IL1F10: variants seen among roughly 807,000 people sequenced by gnomAD.
IL1F10 encodes interleukin-1 family member 10.
IL1F10 carries 13 observed loss-of-function variants against 13.1 expected under a neutral mutation model. The observed-to-expected ratio is 0.99, with a 90% CI of 0.64 to 1.57. IL1F10 has a LOEUF of 1.57. Ranked by LOEUF, IL1F10 falls within the 40% of genes most tolerant of loss-of-function variation. The probability of loss-of-function intolerance (pLI) is 0.00; values close to 1 mark genes in which losing one functional copy is unlikely to be tolerated. For missense variants in IL1F10, 191 were observed against 184.1 expected (o/e 1.04, Z -0.22); for synonymous variants, 78 against 68.2 (o/e 1.14, Z -0.71).
At position 113,069,245 on chromosome 2, in the gene IL1F10, C is replaced by A. The variant is rs537955502; in HGVS notation, c.-29+1229C>A. On this transcript the variant is annotated intron_variant, in intron 1 of 4. Transcript: ENST00000341010. Reference sequence around the variant, plus strand: ...ATGCTATCACACAAGAAAATCAGTGCCAGACGGTGACAAAACAGTCAGTCA... The same window carrying A: ...ATGCTATCACACAAGAAAATCAGTGACAGACGGTGACAAAACAGTCAGTCA... Among the ~76,000 whole-genome samples, 4 of 152,078 alleles carry A rather than the reference C, an allele frequency of 2.6e-5. No individual in the cohort carries two copies. In the South Asian group the frequency reaches 8.3e-4, roughly 32 times the overall value.
At position 113,075,289 on chromosome 2, in the gene IL1F10, C is replaced by T; in HGVS notation, c.384C>T (p.Pro128=). The T allele has an allele frequency of 6.2e-7, 1 of 1,612,076 alleles. No individual in the cohort carries two copies. The highest frequency in any genetic ancestry group is 1.1e-5 in the South Asian group (1 of 90,934). ...GGTTCCTGTGTGGCCCGGCAGAGCCCCAGCAGCCAGTACAGCTCACCAAGG... is the reference window on the plus strand; with the variant it reads ...GGTTCCTGTGTGGCCCGGCAGAGCCTCAGCAGCCAGTACAGCTCACCAAGG... ...PGWFLCGPAE[P]QQPVQLTKES... The change falls in exon 5 of 5, where the codon CCC becomes CCT. Residue 128 remains proline, a synonymous_variant. Coordinates refer to ENST00000341010, the MANE Select transcript of IL1F10 (RefSeq NM_173161.3).
At position 113,075,290 on chromosome 2, in the gene IL1F10, C is replaced by T. The variant is rs1685919958; in HGVS notation, c.385C>T (p.Gln129Ter). 6.2e-7 allele frequency: 1 copy of T among 1,611,942 alleles called. No individual in the cohort carries two copies. Among genetic ancestry groups the T allele is most frequent in the South Asian group, 1.1e-5 (1 of 90,944 alleles). The change falls in exon 5 of 5, where the codon CAG becomes TAG. Residue 129 changes from glutamine (Q) to a stop codon, truncating the protein, a stop_gained. Coordinates refer to ENST00000341010, the MANE Select transcript of IL1F10 (RefSeq NM_173161.3). LOFTEE classifies it high-confidence loss of function. The stretch of plus-strand genomic sequence containing the variant: ...GTTCCTGTGTGGCCCGGCAGAGCCC[C>T]AGCAGCCAGTACAGCTCACCAAGGA... The part of the protein sequence containing the change: ...GWFLCGPAEP[Q>*]QPVQLTKESE...
At chr2:113,072,688 T>A (rs1428605059) in intron 1 of IL1F10, 23 bp from the exon 2 acceptor site, 1 of 1,560,572 alleles carries the variant, frequency 6.4e-7, no homozygotes, top group Non-Finnish European at 8.8e-7. Context: ...CTTTTCTAAC[T>A]GCCCTTCTCT....
intron 1 of IL1F10, among the ~76,000 whole-genome samples, chr2:113,069,834 G>A (rs536989125): frequency 6.6e-6 from 1 of 152,362 alleles, no homozygotes; most frequent in East Asian, 1.9e-4. Context: ...AGAAAGAGGT[G>A]TGAAGGGAGT....
At position 113,074,784 on chromosome 2, in the gene IL1F10, G is replaced by T; in HGVS notation, c.180G>T (p.Gly60=). The T allele has an allele frequency of 6.2e-7, 1 of 1,613,902 alleles. No homozygotes were observed. The highest frequency in any genetic ancestry group is 8.5e-7 in the Non-Finnish European group (1 of 1,179,966). Reference sequence around the variant, plus strand: ...GCACCAAGGTCCCCATTTTCCTGGGGATCCAGGGAGGGAGCCGCTGCCTGG... The same window carrying T: ...GCACCAAGGTCCCCATTTTCCTGGGTATCCAGGGAGGGAGCCGCTGCCTGG... ...LARTKVPIFL[G]IQGGSRCLAC... Residue 60 remains glycine (G), a synonymous_variant, in exon 4 of 5, where the codon GGG becomes GGT. Coordinates refer to ENST00000341010, the MANE Select transcript of IL1F10 (RefSeq NM_173161.3).
intron 1 of IL1F10, among the ~76,000 whole-genome samples, chr2:113,069,900 G>C (rs1685800887): frequency 6.6e-6 from 1 of 152,192 alleles, no homozygotes; most frequent in African/African-American, 2.4e-5. Flanking sequence ...GGAATCAAAA[G>C]AATCTCTGGA....
intron 1 of IL1F10, among the ~76,000 whole-genome samples, chr2:113,069,583 T>C (rs529207864): frequency 2.0e-5 from 3 of 152,278 alleles, no homozygotes; most frequent in Admixed American, 2.0e-4. Context: ...GAGGAGAAGA[T>C]AATTAACTTA....
chr2:113,073,857 C>T (rs1038620992), intron 2 of IL1F10, among the ~76,000 whole-genome samples: 1 of 151,824 alleles, frequency 6.6e-6, no homozygotes, highest in Non-Finnish European at 1.5e-5. Context: ...GACTTTGAAG[C>T]CTTTAAAATA....
intron 1 of IL1F10, among the ~76,000 whole-genome samples, chr2:113,071,278 A>T (rs1685830203): frequency 6.6e-6 from 1 of 152,326 alleles, no homozygotes; most frequent in East Asian, 1.9e-4. Context: ...TAACAAACAC[A>T]TACATCCTTA....
Position 113,074,834 on chromosome 2 carries a change from C to T in IL1F10, c.230C>T (p.Pro77Leu), listed in dbSNP as rs1685909008. Residue 77 changes from proline to leucine, a missense_variant, in exon 4 of 5, where the codon CCT becomes CTT. By Grantham distance (98) the Pro-to-Leu change is moderately conservative (BLOSUM62 -3). Coordinates refer to ENST00000341010, the MANE Select transcript of IL1F10 (RefSeq NM_173161.3). ...CLACVETEEG[P>L]SLQLEDVNIE... ...GCATGTGTGGAGACAGAAGAGGGGC[C>T]TTCCCTACAGCTGGAGGTGAGAGGC... 6.2e-7 allele frequency: 1 copy of T among 1,612,232 alleles called. No homozygotes were observed. The highest frequency in any genetic ancestry group is 8.5e-7 in the Non-Finnish European group (1 of 1,179,904).
chr2:113,074,451 C>T (rs1685897952), intron 3 of IL1F10, 37 bp downstream of exon 3: 1 of 1,467,920 alleles, frequency 6.8e-7, no homozygotes, highest in East Asian at 2.3e-5. Context: ...GCTCCATCTG[C>T]CATAGGCCCT....
In IL1F10 at chr2:113,070,618, G is replaced by T. The variant is rs149341675; in HGVS notation, c.-28-2093G>T. On this transcript the variant is annotated intron_variant, in intron 1 of 4. Coordinates refer to ENST00000341010, the MANE Select transcript of IL1F10 (RefSeq NM_173161.3). Reference sequence around the variant, plus strand: ...GCCAAGGGGAGCCCATCATCAAGTGGGCTTGCATTGAGGCCATGATGCTGT... The same window carrying T: ...GCCAAGGGGAGCCCATCATCAAGTGTGCTTGCATTGAGGCCATGATGCTGT... Among the ~76,000 whole-genome samples the T allele has an allele frequency of 1.1e-4, 16 of 152,246 alleles. No homozygotes were observed. The East Asian group carries it at 3.1e-3, about 29-fold the overall frequency.
rs868651988 is a variant in IL1F10, at chr2:113,071,678, C to T, written c.-28-1033C>T. On this transcript the variant is annotated intron_variant, in intron 1 of 4. Coordinates refer to ENST00000341010, the MANE Select transcript of IL1F10 (RefSeq NM_173161.3). ...CTTGAGAGCTGAGGTGGTTGGAAGC[C>T]GTATCCTCAGCACCCACCTGTTCCT... Among the ~76,000 whole-genome samples, 30 of 152,304 alleles carry T rather than the reference C, an allele frequency of 2.0e-4. No individual in the cohort carries two copies. The Middle Eastern group carries it at 0.01, about 52-fold the overall frequency.
chr2:113,072,863 C>T, intron 2 of IL1F10, 93 bp downstream of exon 2: 1 of 1,123,364 alleles, frequency 8.9e-7, no homozygotes, highest in Non-Finnish European at 1.3e-6. Flanking sequence ...GGCTCCTTCT[C>T]ACCTTAGAAA....
rs114443938 is a variant in IL1F10 at position 113,073,497 on chromosome 2, G to A, written c.32+727G>A. Reference sequence around the variant, plus strand: ...TAGGAAGCACATAAATGACAAAGCAGATGTCAGCACTTCAGGGCATCTAAT... The same window carrying A: ...TAGGAAGCACATAAATGACAAAGCAAATGTCAGCACTTCAGGGCATCTAAT... On this transcript the variant is annotated intron_variant, in intron 2 of 4. Coordinates refer to ENST00000341010, the MANE Select transcript of IL1F10 (RefSeq NM_173161.3). Among the ~76,000 whole-genome samples the A allele has an allele frequency of 3.0e-3, 451 of 152,306 alleles. 8 individuals carry two copies. The highest frequency in any genetic ancestry group is 0.01 in the African/African-American group (434 of 41,548).
At chr2:113,075,053 A>C in intron 4 of IL1F10, 99 bp from the exon 5 acceptor site, 1 of 1,294,474 alleles carries the variant, frequency 7.7e-7, no homozygotes, top group Non-Finnish European at 1.1e-6. Context: ...GGTAAAAACC[A>C]GCCCTGTCAG....
At chr2:113,071,679 G>A (rs989462699) in intron 1 of IL1F10, among the ~76,000 whole-genome samples, 8 of 152,160 alleles carry the variant, frequency 5.3e-5, no homozygotes, top group Non-Finnish European at 7.4e-5. Context: ...GTTGGAAGCC[G>A]TATCCTCAGC....
rs1367790457 is a variant in IL1F10, at chr2:113,075,225, G to T, written c.320G>T (p.Gly107Val). 1 of 1,613,980 alleles carries T rather than the reference G, an allele frequency of 6.2e-7. No individual in the cohort carries two copies. The highest frequency in any genetic ancestry group is 8.5e-7 in the Non-Finnish European group (1 of 1,179,950). ...TRFTFFQSSS[G>V]SAFRLEAAAW... ...TTCACCTTCTTCCAGAGCAGCTCAG[G>T]CTCCGCCTTCAGGCTTGAGGCTGCT... The change falls in exon 5 of 5, where the codon GGC becomes GTC. Residue 107 changes from glycine to valine, a missense_variant. Physicochemically the swap from Gly to Val is moderately radical, Grantham distance 109 (BLOSUM62 -3). Transcript: ENST00000341010.
chr2:113,074,534 G>A, intron 3 of IL1F10, 120 bp downstream of exon 3: 1 of 1,066,406 alleles, frequency 9.4e-7, no homozygotes, highest in East Asian at 2.4e-5. Flanking sequence ...AAGGGCCAGA[G>A]AGCAGCTGTG....
Sources: allele counts gnomAD v4.1 joint callset (sites outside exome capture counted in the v4.1 genomes callset), GRCh38; gene constraint gnomAD v4.1.1; transcripts MANE v1.5; gene names NCBI Gene and HGNC (gene_info 2026-07-23, HGNC 2026-07-21).